Variants in FSTL5 observed in about 807,000 individuals in gnomAD.
FSTL5 encodes follistatin-related protein 5.
In FSTL5, 62 loss-of-function variants were observed where a neutral mutation model predicts 89.1. The observed-to-expected ratio is 0.70, with a 90% CI of 0.57 to 0.86. FSTL5 has a LOEUF of 0.86. Among genes scored for constraint, FSTL5 ranks in the 40% least tolerant of loss-of-function variants. The pLI is 0.00. For missense variants in FSTL5, 1,057 were observed against 1,001.6 expected, an observed-to-expected ratio of 1.06 and a Z score of -0.75; for synonymous variants, 383 against 346.2, an observed-to-expected ratio of 1.11 and a Z score of -1.18.
At chr4:161,456,633 A>G (rs1458457714) in intron 14 of FSTL5, among the ~76,000 whole-genome samples, 2 of 152,194 alleles carry the variant, frequency 1.3e-5, no homozygotes, top group Non-Finnish European at 2.9e-5. Flanking sequence ...AGTTTCTCCA[A>G]AGGAAGCATA....
chr4:161,591,907 C>A (rs1311369316), intron 7 of FSTL5, among the ~76,000 whole-genome samples: 2 of 152,144 alleles, frequency 1.3e-5, no homozygotes, highest in African/African-American at 4.8e-5. Context: ...CTCTAATTAG[C>A]GGAGCTAGGA....
At chr4:161,997,346 C>T (rs1457810954) in intron 3 of FSTL5, among the ~76,000 whole-genome samples, 3 of 152,140 alleles carry the variant, frequency 2.0e-5, no homozygotes, top group East Asian at 3.9e-4. Context: ...GAATGACTTA[C>T]ATCAAGAATT....
At chr4:161,720,832 AAAGTAG>A (rs1430386305) in intron 6 of FSTL5, among the ~76,000 whole-genome samples, 1 of 152,158 alleles carries the variant, frequency 6.6e-6, no homozygotes, top group Non-Finnish European at 1.5e-5. Context: ...ATAGAAGCCA[AAAGTAG>A]AATAGTGATT....
intron 8 of FSTL5, among the ~76,000 whole-genome samples, chr4:161,586,922 T>C (rs1428824493): frequency 6.6e-6 from 1 of 152,234 alleles, no homozygotes; most frequent in East Asian, 1.9e-4. Context: ...ATCAGTCATA[T>C]GTGTAATCCT....
chr4:161,704,091 C>A (rs1328228828), intron 6 of FSTL5, among the ~76,000 whole-genome samples: 1 of 152,088 alleles, frequency 6.6e-6, no homozygotes, highest in Non-Finnish European at 1.5e-5. Context: ...GCCAACCTGC[C>A]TCCCATTCTA....
intron 2 of FSTL5, among the ~76,000 whole-genome samples, chr4:162,085,998 A>T (rs1212645128): frequency 6.6e-6 from 1 of 152,132 alleles, no homozygotes; most frequent in Non-Finnish European, 1.5e-5. Flanking sequence ...TTTACAGCAC[A>T]TGAAGCAGGT....
At chr4:162,104,430 C>T (rs918626373) in intron 2 of FSTL5, among the ~76,000 whole-genome samples, 9 of 152,160 alleles carry the variant, frequency 5.9e-5, no homozygotes, top group African/African-American at 1.7e-4. Context: ...GGAAGCGGCC[C>T]GCCACCATCT....
At chr4:161,626,251 A>G (rs181020511) in intron 7 of FSTL5, among the ~76,000 whole-genome samples, 274 of 152,288 alleles carry the variant, frequency 1.8e-3, no homozygotes, top group African/African-American at 6.4e-3. Flanking sequence ...CTGTCTTTAA[A>G]GCTTTAAAAA....
chr4:161,782,391 C>T (rs1259344598), intron 4 of FSTL5, among the ~76,000 whole-genome samples: 1 of 152,178 alleles, frequency 6.6e-6, no homozygotes, highest in Non-Finnish European at 1.5e-5. Context: ...GCTCCATATC[C>T]TTGCCAGGAT....
At chr4:162,012,328 C>A (rs1164238089) in intron 3 of FSTL5, among the ~76,000 whole-genome samples, 1 of 152,092 alleles carries the variant, frequency 6.6e-6, no homozygotes, top group Non-Finnish European at 1.5e-5. Context: ...TGTAAAAATA[C>A]TGAATTTTAA....
chr4:162,136,793 G>A (rs1269759560), intron 1 of FSTL5, among the ~76,000 whole-genome samples: 1 of 151,764 alleles, frequency 6.6e-6, no homozygotes, highest in Admixed American at 6.6e-5. Flanking sequence ...GGTTAAATAA[G>A]GTTTGGAAAT....
chr4:162,038,350 C>T lies in FSTL5; in HGVS notation c.127-4692G>A, dbSNP rs542364860. 2.2e-3 allele frequency among the ~76,000 whole-genome samples: 329 copies of T among 151,884 alleles called. 3 individuals carry two copies. Among genetic ancestry groups the T allele is most frequent in the African/African-American group, 7.5e-3 (313 of 41,478 alleles). ...AATGTAAGATGGCTAAAAGCTTTAG[C>T]AGACAGTATGATAAAGATTAGCAAA... is the stretch of plus-strand genomic sequence containing the variant. On this transcript the variant is annotated intron_variant, in intron 2 of 15. Transcript: ENST00000306100.
At chr4:161,592,323 T>C (rs907511340) in intron 7 of FSTL5, among the ~76,000 whole-genome samples, 76 of 152,218 alleles carry the variant, frequency 5.0e-4, no homozygotes, top group African/African-American at 1.7e-3. Context: ...ATATGCAGAA[T>C]GTACAGATTT....
At chr4:161,786,542 T>C (rs1458844848) in intron 4 of FSTL5, among the ~76,000 whole-genome samples, 1 of 152,124 alleles carries the variant, frequency 6.6e-6, no homozygotes, top group Non-Finnish European at 1.5e-5. Flanking sequence ...GCCTGGATGC[T>C]AGCCTTAATT....
At chr4:161,585,441 TG>T (rs1408517767) in intron 8 of FSTL5, among the ~76,000 whole-genome samples, 3 of 152,118 alleles carry the variant, frequency 2.0e-5, no homozygotes, top group Non-Finnish European at 1.5e-5. Context: ...GTGATTCTGA[TG>T]CAGGTGGAGA....
At chr4:162,053,206 C>T (rs1021182054) in intron 2 of FSTL5, among the ~76,000 whole-genome samples, 13 of 151,640 alleles carry the variant, frequency 8.6e-5, no homozygotes, top group Admixed American at 8.6e-4. Context: ...TGTATATTTT[C>T]AACTTGTGCT....
intron 12 of FSTL5, among the ~76,000 whole-genome samples, chr4:161,482,012 T>TTAAAA (rs1395680361): frequency 9.2e-5 from 14 of 152,130 alleles, no homozygotes; most frequent in African/African-American, 3.4e-4. Context: ...GAGAGACTGG[T>TTAAAA]TAAAATGTAC....
rs28688146 is a variant in FSTL5, at chr4:161,399,632, C to T, written c.1842-13183G>A. 9.6e-3 allele frequency among the ~76,000 whole-genome samples: 1,454 copies of T among 152,044 alleles called. 18 individuals are homozygous for T. The highest frequency in any genetic ancestry group is 0.054 in the East Asian group (278 of 5,164). ...ACATCACTTAGTGGTACTTTGTAAGCGTCTCATAATGTTATTCAAAGTTTA... is the reference window on the plus strand; with the variant it reads ...ACATCACTTAGTGGTACTTTGTAAGTGTCTCATAATGTTATTCAAAGTTTA... On this transcript the variant is annotated intron_variant, in intron 15 of 15. Coordinates refer to ENST00000306100, the MANE Select transcript of FSTL5 (RefSeq NM_020116.5).
At chr4:161,707,567 A>G (rs776110976) in intron 6 of FSTL5, among the ~76,000 whole-genome samples, 2 of 151,930 alleles carry the variant, frequency 1.3e-5, no homozygotes, top group African/African-American at 4.8e-5. Flanking sequence ...ACTAATGAAA[A>G]TGAAGGCATT....
Sources: gnomAD v4.1 joint callset for allele counts (sites outside exome capture counted in the v4.1 genomes callset) on GRCh38, gnomAD v4.1.1 for gene constraint, MANE v1.5 for transcripts, NCBI Gene and HGNC (gene_info 2026-07-23, HGNC 2026-07-21) for gene names.